The following CYP3A5 variants were observed in gnomAD, a reference collection of about 807,000 sequenced individuals.
The protein encoded by CYP3A5 is cytochrome P450 3A5.
Under a neutral mutation model 55.9 loss-of-function variants are expected in CYP3A5, and 51 were observed. The ratio of observed to expected loss-of-function variants is 0.91; its 90% confidence interval spans 0.73 to 1.15. The LOEUF (loss-of-function observed/expected upper bound fraction) is 1.15, where lower values mean the gene tolerates loss of function less well. Among genes scored for constraint, CYP3A5 ranks in the 50% most tolerant of loss-of-function variants. The probability of loss-of-function intolerance (pLI) is 0.00; values close to 1 mark genes in which losing one functional copy is unlikely to be tolerated. For missense variants in CYP3A5, 533 were observed against 596.6 expected (o/e 0.89, Z 1.11); for synonymous variants, 196 against 213.9 (o/e 0.92, Z 0.73).
At chr7:99,649,574 C>G (rs902608662) in intron 12 of CYP3A5, among the ~76,000 whole-genome samples, 1 of 152,084 alleles carries the variant, frequency 6.6e-6, no homozygotes, top group African/African-American at 2.4e-5. Flanking sequence ...GGGGTTCACC[C>G]GACAGCATGA....
intron 10 of CYP3A5, 109 bp from the exon 11 acceptor site, chr7:99,652,888 G>T: frequency 2.6e-6 from 2 of 772,074 alleles, no homozygotes; most frequent in Non-Finnish European, 2.1e-6. Flanking sequence ...AACTCATACT[G>T]GTAAATGATC....
chr7:99,652,562 C>A lies in CYP3A5; in HGVS notation c.1244G>T (p.Arg415Leu), dbSNP rs781386975. ...CCCTGGAGACTTGTACCTTTCAGGG[C>A]GGAACTCCTCAGGCTCTGTCCAGTA... ...PKYWTEPEEF[R>L]PERFSKKKDS... Residue 415 changes from arginine (R) to leucine (L), a missense_variant, in exon 11 of 13, where the codon CGC becomes CTC. Arg to Leu is a moderately radical substitution (Grantham distance 102). Transcript: ENST00000222982. 5 of 1,606,252 alleles carry A rather than the reference C, an allele frequency of 3.1e-6. No individual in the cohort carries two copies. Among genetic ancestry groups the A allele is most frequent in the Non-Finnish European group, 4.3e-6 (5 of 1,174,918 alleles).
chr7:99,671,115 ATTTGTGTGTGTGTGTGTG>A (rs1471444946), intron 4 of CYP3A5: 9 of 115,544 alleles, frequency 7.8e-5, no homozygotes, highest in South Asian at 3.0e-4. Flanking sequence ...TACACAGACC[ATTTGTGTGTGTGTGTGTG>A]TGTGTGTGTG....
intron 4 of CYP3A5, among the ~76,000 whole-genome samples, chr7:99,667,399 T>C (rs1212171580): frequency 6.6e-6 from 1 of 151,990 alleles, no homozygotes; most frequent in Non-Finnish European, 1.5e-5. Context: ...TCCCCAGGAG[T>C]GTGCAGAGTA....
intron 2 of CYP3A5, among the ~76,000 whole-genome samples, chr7:99,675,331 G>T (rs930014479): frequency 7.2e-5 from 11 of 152,252 alleles, no homozygotes; most frequent in African/African-American, 2.2e-4. Context: ...CAGAAATGTT[G>T]ATCTACTACA....
chr7:99,666,945 T>G lies in CYP3A5; in HGVS notation c.432+7A>C. 6.2e-7 allele frequency: 1 copy of G among 1,612,962 alleles called. No homozygotes were observed. Among genetic ancestry groups the G allele is most frequent in the Non-Finnish European group, 8.5e-7 (1 of 1,179,186 alleles). On this transcript the variant is annotated splice_region_variant and intron_variant, in intron 5 of 12. Coordinates refer to ENST00000222982, the MANE Select transcript of CYP3A5 (RefSeq NM_000777.5). ...ATTTCTAATTAAGACTCATCTTATT[T>G]TCATACCTCCTTGAGTTTTCCGCTG...
intron 9 of CYP3A5, 150 bp from the exon 10 acceptor site, chr7:99,660,809 G>T: frequency 1.1e-6 from 1 of 923,576 alleles, no homozygotes; most frequent in Non-Finnish European, 1.6e-6. Flanking sequence ...ATTCTGATAT[G>T]TATCTTATAC....
At chr7:99,659,553 T>G (rs1477534275) in intron 10 of CYP3A5, 1 of 154,032 alleles carries the variant, frequency 6.5e-6, no homozygotes, top group Non-Finnish European at 1.4e-5. Flanking sequence ...GTCTGTCTGT[T>G]CTCAGATCTC....
chr7:99,676,581 G>T (rs773892364), intron 1 of CYP3A5: 5 of 1,350,888 alleles, frequency 3.7e-6, no homozygotes, highest in Non-Finnish European at 3.9e-6. Context: ...CTCATCCTAG[G>T]TAGAAAGAGT....
rs972932556 is a variant in CYP3A5 at position 99,653,655 on chromosome 7, G to A, written c.1027-876C>T. ...ATAGTTTCCTAGTTGTTGCTTCAGG[G>A]CTGGACTGTAATCTTCAGGACTGGA... On this transcript the variant is annotated intron_variant, in intron 10 of 12. Coordinates refer to ENST00000222982, the MANE Select transcript of CYP3A5 (RefSeq NM_000777.5). The surrounding 1 kb of genome is among the most constrained non-coding windows in gnomAD (Gnocchi z 4.2). Among the ~76,000 whole-genome samples the A allele has an allele frequency of 3.3e-5, 5 of 152,114 alleles. No homozygotes were observed. Among genetic ancestry groups the A allele is most frequent in the African/African-American group, 1.2e-4 (5 of 41,398 alleles).
chr7:99,676,239 G>A, intron 1 of CYP3A5, 31 bp from the exon 2 acceptor site: 4 of 1,612,156 alleles, frequency 2.5e-6, no homozygotes, highest in Admixed American at 1.7e-5. Flanking sequence ...CAGGTCACAG[G>A]GATTGTGACT....
chr7:99,662,891 A>G lies in CYP3A5; in HGVS notation c.799-9T>C. On this transcript the variant is annotated splice_polypyrimidine_tract_variant and intron_variant, in intron 8 of 12. Coordinates refer to ENST00000222982, the MANE Select transcript of CYP3A5 (RefSeq NM_000777.5). The surrounding 1 kb of genome is among the most constrained non-coding windows in gnomAD (Gnocchi z 4.3). ...AGGAAATCTAGTCGGTGCTAGAAGC[A>G]AAAGGAGAGATTTCTTTGGCAGAAA... is the stretch of plus-strand genomic sequence containing the variant. 2 of 1,613,622 alleles carry G rather than the reference A, an allele frequency of 1.2e-6. No individual in the cohort carries two copies. Among genetic ancestry groups the G allele is most frequent in the South Asian group, 2.2e-5 (2 of 91,066 alleles).
intron 10 of CYP3A5, among the ~76,000 whole-genome samples, chr7:99,655,461 A>T (rs1340036224): frequency 1.3e-5 from 2 of 152,230 alleles, no homozygotes; most frequent in African/African-American, 4.8e-5. Flanking sequence ...TACCAGTACC[A>T]TGCTGTTTTG....
chr7:99,656,440 C>G (rs934597573), intron 10 of CYP3A5, among the ~76,000 whole-genome samples: 1 of 152,152 alleles, frequency 6.6e-6, no homozygotes, highest in Non-Finnish European at 1.5e-5. Context: ...CCCACTTGAT[C>G]ATGGTGGATA....
chr7:99,667,985 A>G (rs1011909094), intron 4 of CYP3A5, among the ~76,000 whole-genome samples: 5 of 152,242 alleles, frequency 3.3e-5, no homozygotes, highest in African/African-American at 7.2e-5. Flanking sequence ...TGGAAAGGAA[A>G]TAATAGAATT....
chr7:99,664,235 C>A, intron 7 of CYP3A5, 140 bp from the exon 8 acceptor site: 1 of 810,194 alleles, frequency 1.2e-6, no homozygotes, highest in South Asian at 1.7e-5. Flanking sequence ...ATCATGTTTG[C>A]CCTTCTTTCA....
intron 11 of CYP3A5, 97 bp from the exon 12 acceptor site, chr7:99,650,329 C>T: frequency 9.0e-7 from 1 of 1,117,008 alleles, no homozygotes; most frequent in Non-Finnish European, 1.3e-6. Context: ...CCCTCCACCT[C>T]CCAACCAGTA....
At chr7:99,678,147 C>T in intron 1 of CYP3A5, among the ~76,000 whole-genome samples, 1 of 152,230 alleles carries the variant, frequency 6.6e-6, no homozygotes, top group Non-Finnish European at 1.5e-5. Context: ...AAGGCATTGT[C>T]TGCCTGGCTG....
At chr7:99,661,845 C>G (rs1367104413) in intron 9 of CYP3A5, among the ~76,000 whole-genome samples, 1 of 152,200 alleles carries the variant, frequency 6.6e-6, no homozygotes, top group Non-Finnish European at 1.5e-5. Context: ...GCTGTCCAAT[C>G]TGGTAGCCAC....
Sources: gnomAD v4.1 joint callset for allele counts (sites outside exome capture counted in the v4.1 genomes callset) on GRCh38, gnomAD v4.1.1 for gene constraint, Gnocchi (gnomAD v3.1) non-coding constraint, MANE v1.5 for transcripts, NCBI Gene and HGNC (gene_info 2026-07-23, HGNC 2026-07-21) for gene names.